RNF207: variants seen among roughly 807,000 people sequenced by gnomAD.
RNF207 encodes ring finger protein 207, also known as OTTHUMG00000001089.
RNF207 carries 72 observed loss-of-function variants against 79.0 expected under a neutral mutation model. The ratio of observed to expected loss-of-function variants is 0.91; its 90% CI spans 0.75 to 1.11. The LOEUF is 1.11. RNF207 is among the 50% of genes least tolerant of loss of function. The probability of loss-of-function intolerance (pLI) is 0.00; values close to 1 mark genes in which losing one functional copy is unlikely to be tolerated. For synonymous variants in RNF207, 348 were observed against 366.2 expected, an observed-to-expected ratio of 0.95 and a Z score of 0.57; for missense variants, 936 against 855.8, an observed-to-expected ratio of 1.09 and a Z score of -1.17.
chr1:6,207,856 A>C lies in RNF207; in HGVS notation c.324+345A>C. ...CGACCCTGAAGGGCCTCTGCTACCC[A>C]AGTGGCATAGAAGCAGCTACAGCCC... On this transcript the variant is annotated intron_variant, in intron 3 of 17. Coordinates refer to ENST00000377939, the MANE Select transcript of RNF207 (RefSeq NM_207396.3). The surrounding 1 kb of genome is among the most constrained non-coding windows in gnomAD (Gnocchi z 4.5). 2.1e-6 allele frequency: 1 copy of C among 467,900 alleles called. No homozygotes were observed. The highest frequency in any genetic ancestry group is 2.7e-5 in the Admixed American group (1 of 36,620). 29.0% of individuals were successfully genotyped at this position (467,900 alleles called of 1,614,324 possible).
rs571477593 is a variant in RNF207 at position 6,220,872 on chromosome 1, T to C, written c.*1465T>C. ...CCAGATAGTCACATTTAAGCAAATA[T>C]TCAGCTTGATTCAGTGATTAACAGC... is the stretch of plus-strand genomic sequence containing the variant. On this transcript the variant is annotated 3_prime_UTR_variant, in exon 18 of 18. Coordinates refer to ENST00000377939, the MANE Select transcript of RNF207 (RefSeq NM_207396.3). 1.3e-5 allele frequency: 2 copies of C among 152,300 alleles called. No homozygotes were observed. The highest frequency in any genetic ancestry group is 6.5e-5 in the Admixed American group (1 of 15,294). The allele number at this position is 152,300 out of a possible 1,614,324, so 9.4% of individuals were successfully genotyped here. A position where few individuals can be genotyped will look rare whatever the true frequency, so the allele number is the denominator to read the frequency against.
At position 6,213,060 on chromosome 1, in the gene RNF207, C is replaced by G; in HGVS notation, c.1535-6C>G. 1 of 1,602,536 alleles carries G rather than the reference C, an allele frequency of 6.2e-7. No individual in the cohort carries two copies. The highest frequency in any genetic ancestry group is 8.5e-7 in the Non-Finnish European group (1 of 1,170,780). ...AAGACCCCATGCTCTGGCCTTGGCCCCACAGCCCAGCTCCATGACCTTCTC... is the reference window on the plus strand; with the variant it reads ...AAGACCCCATGCTCTGGCCTTGGCCGCACAGCCCAGCTCCATGACCTTCTC... On this transcript the variant is annotated splice_polypyrimidine_tract_variant and splice_region_variant and intron_variant, in intron 15 of 17. Transcript: ENST00000377939.
Position 6,206,672 on chromosome 1 carries a change from C to T in RNF207, c.137C>T (p.Ala46Val), listed in dbSNP as rs1212873448. The change falls in exon 2 of 18, where the codon GCC (alanine) becomes GTC (valine). Residue 46 changes from alanine (A) to valine (V), a missense_variant. Ala to Val is a moderately conservative substitution (Grantham distance 64). Transcript: ENST00000377939. Reference protein sequence around the residue: ...CLLDCFHDFCAGCLRGRATDG... With the variant: ...CLLDCFHDFCVGCLRGRATDG... ...CTGGACTGTTTCCACGACTTCTGTG[C>T]CGGCTGCCTGCGTGGCCGCGCGACC... is the stretch of plus-strand genomic sequence containing the variant. 6.2e-7 allele frequency: 1 copy of T among 1,606,306 alleles called. No homozygotes were observed. Among genetic ancestry groups the T allele is most frequent in the Non-Finnish European group, 8.5e-7 (1 of 1,179,828 alleles).
At position 6,206,541 on chromosome 1, in the gene RNF207, G is replaced by A. The variant is rs540245643; in HGVS notation, c.6G>A (p.Ser2=). Residue 2 remains serine, a synonymous_variant, in exon 2 of 18, where the codon TCG becomes TCA. Transcript: ENST00000377939. M[S]GAIFGPLEGP... ...CGCTTGCGCTGTCGCTGCAGATGTC[G>A]GGAGCTATCTTCGGGCCCCTGGAGG... The A allele has an allele frequency of 1.9e-6, 3 of 1,575,254 alleles. No individual in the cohort carries two copies. The highest frequency in any genetic ancestry group is 1.1e-5 in the South Asian group (1 of 88,752).
In RNF207 at chr1:6,217,916, C is replaced by A. The variant is rs1043843404; in HGVS notation, c.1653-373C>A. The stretch of plus-strand genomic sequence containing the variant: ...AAGCTAGACTGGTCCCACTTCTGGG[C>A]CTCTGCCTGGAGTATTCACAGACCC... On this transcript the variant is annotated intron_variant, in intron 16 of 17. Coordinates refer to ENST00000377939, the MANE Select transcript of RNF207 (RefSeq NM_207396.3). The surrounding 1 kb of genome is among the most constrained non-coding windows in gnomAD (Gnocchi z 4.2). Among the ~76,000 whole-genome samples, 10 of 152,244 alleles carry A rather than the reference C, an allele frequency of 6.6e-5. No homozygotes were observed. Among genetic ancestry groups the A allele is most frequent in the Admixed American group, 6.5e-4 (10 of 15,286 alleles).
At chr1:6,212,634 G>A (rs201925417) in intron 14 of RNF207, 48 bp from the exon 15 acceptor site, 57 of 1,545,756 alleles carry the variant, frequency 3.7e-5, no homozygotes, top group East Asian at 6.7e-5. Flanking sequence ...TGCCGCCACC[G>A]TAAATTCAGC....
chr1:6,216,042 G>A, intron 16 of RNF207, among the ~76,000 whole-genome samples: 1 of 152,210 alleles, frequency 6.6e-6, no homozygotes, highest in Non-Finnish European at 1.5e-5. Context: ...TCCCTTTCCA[G>A]TCCTTCCTGG....
rs190407737 is a variant in RNF207, at chr1:6,209,578, G to A, written c.753+39G>A. 19 of 1,431,400 alleles carry A rather than the reference G, an allele frequency of 1.3e-5. No homozygotes were observed. In the African/African-American group the frequency reaches 2.7e-4, roughly 20 times the overall value. The allele number at this position is 1,431,400 out of a possible 1,614,324, so 88.7% of individuals were successfully genotyped here. On this transcript the variant is annotated intron_variant, in intron 7 of 17. Transcript: ENST00000377939. ...GTTGGGGGATAAACGACCCAGCCGG[G>A]ACCTGGTGACACAGGGCTGGTCCCT...
chr1:6,208,783 C>T (rs1486437920), intron 3 of RNF207, 98 bp from the exon 4 acceptor site: 1 of 1,304,134 alleles, frequency 7.7e-7, no homozygotes, highest in Non-Finnish European at 1.0e-6. Context: ...CACCCGGCCA[C>T]GGCTGGGACA....
At position 6,206,551 on chromosome 1, in the gene RNF207, T is replaced by G; in HGVS notation, c.16T>G (p.Phe6Val). ...GTCGCTGCAGATGTCGGGAGCTATC[T>G]TCGGGCCCCTGGAGGGCCCGAGCTC... MSGAI[F>V]GPLEGPSSLD... The change falls in exon 2 of 18, where the codon TTC becomes GTC. Residue 6 changes from phenylalanine (F) to valine (V), a missense_variant. Coordinates refer to ENST00000377939, the MANE Select transcript of RNF207 (RefSeq NM_207396.3). 6.3e-7 allele frequency: 1 copy of G among 1,585,910 alleles called. No individual in the cohort carries two copies. The highest frequency in any genetic ancestry group is 8.5e-7 in the Non-Finnish European group (1 of 1,173,560).
Position 6,209,412 on chromosome 1 carries a change from A to G in RNF207, c.628-2A>G. On this transcript the variant is annotated splice_acceptor_variant, in intron 6 of 17. Transcript: ENST00000377939. LOFTEE classifies it high-confidence loss of function. Reference sequence around the variant, plus strand: ...GCGAGCCTGACCACGCCCTGTCCCCAGGCCGTGAAGGCCCTGCAGACGGCC... The same window carrying G: ...GCGAGCCTGACCACGCCCTGTCCCCGGGCCGTGAAGGCCCTGCAGACGGCC... The G allele has an allele frequency of 6.6e-7, 1 of 1,521,228 alleles. No individual in the cohort carries two copies. The highest frequency in any genetic ancestry group is 8.8e-7 in the Non-Finnish European group (1 of 1,139,796). The allele number at this position is 1,521,228 out of a possible 1,614,324, so 94.2% of individuals were successfully genotyped here. A position where few individuals can be genotyped will look rare whatever the true frequency, so the allele number is the denominator to read the frequency against.
chr1:6,213,479 A>AG (rs1183499402), intron 16 of RNF207, among the ~76,000 whole-genome samples: 1 of 151,902 alleles, frequency 6.6e-6, no homozygotes, highest in Non-Finnish European at 1.5e-5. Flanking sequence ...AAAAAAAAAA[A>AG]AAAAAAAAAA....
At chr1:6,214,875 T>C (rs1234374210) in intron 16 of RNF207, among the ~76,000 whole-genome samples, 1 of 151,860 alleles carries the variant, frequency 6.6e-6, no homozygotes, top group Admixed American at 6.6e-5. Flanking sequence ...GACCTCGTCA[T>C]CTACCCGCCT....
intron 16 of RNF207, among the ~76,000 whole-genome samples, chr1:6,215,736 C>T (rs1456006900): frequency 6.6e-6 from 1 of 152,206 alleles, no homozygotes; most frequent in Non-Finnish European, 1.5e-5. Context: ...TCTCAGCTCT[C>T]ACTGCAGCCT....
rs1187605510 is a variant in RNF207 at position 6,209,527 on chromosome 1, C to T, written c.741C>T (p.Phe247=). The T allele has an allele frequency of 3.4e-6, 5 of 1,465,034 alleles. No homozygotes were observed. The highest frequency in any genetic ancestry group is 2.7e-5 in the Admixed American group (1 of 36,638). The allele number at this position is 1,465,034 out of a possible 1,614,324, so 90.8% of individuals were successfully genotyped here. The part of the protein sequence containing the change: ...AEEEDAIHAL[F]GSMQDRLAER... The stretch of plus-strand genomic sequence containing the variant: ...AGGAGGACGCTATCCACGCCCTCTT[C>T]GGCAGCATGCAGGTGAGGGGTGGGG... The change falls in exon 7 of 18, where the codon TTC becomes TTT. Residue 247 remains phenylalanine (F), a synonymous_variant. Transcript: ENST00000377939.
At position 6,207,353 on chromosome 1, in the gene RNF207, A is replaced by C; in HGVS notation, c.192-26A>C. ...GGAGCCCTGGGGAAGGGGTATCAGA[A>C]TCTCGGGGCCTGGGCTTCTCTGCAG... On this transcript the variant is annotated intron_variant, in intron 2 of 17. Transcript: ENST00000377939. This position sits in a 1 kb window ranked among gnomAD's most constrained non-coding sequence, Gnocchi z 4.5. 1 of 1,500,564 alleles carries C rather than the reference A, an allele frequency of 6.7e-7. No individual in the cohort carries two copies. The highest frequency in any genetic ancestry group is 8.9e-7 in the Non-Finnish European group (1 of 1,125,118). The allele number at this position is 1,500,564 out of a possible 1,614,324, so 93.0% of individuals were successfully genotyped here.
rs1054510811 is a variant in RNF207 at position 6,219,428 on chromosome 1, G to C, written c.*21G>C. On this transcript the variant is annotated 3_prime_UTR_variant, in exon 18 of 18. Coordinates refer to ENST00000377939, the MANE Select transcript of RNF207 (RefSeq NM_207396.3). ...CTTAGCAAATGGGACCGGTCCCCAGGGTCAGGCTCTTAGAGCAGGCACAAG... is the reference window on the plus strand; with the variant it reads ...CTTAGCAAATGGGACCGGTCCCCAGCGTCAGGCTCTTAGAGCAGGCACAAG... 6.4e-7 allele frequency: 1 copy of C among 1,571,478 alleles called. No homozygotes were observed. The highest frequency in any genetic ancestry group is 1.8e-5 in the Admixed American group (1 of 55,536).
intron 3 of RNF207, chr1:6,208,575 G>A (rs1471508592): frequency 8.5e-6 from 3 of 354,622 alleles, no homozygotes; most frequent in Non-Finnish European, 1.5e-5. Context: ...CCAAATTGTT[G>A]GGATTACAGG....
chr1:6,213,262 T>A (rs1406350049), intron 16 of RNF207, 79 bp downstream of exon 16: 1 of 911,322 alleles, frequency 1.1e-6, no homozygotes, highest in Non-Finnish European at 1.7e-6. Context: ...GGCTCACGCC[T>A]GTAATCCTAA....
Sources: gnomAD v4.1 joint callset for allele counts (sites outside exome capture counted in the v4.1 genomes callset) on GRCh38, gnomAD v4.1.1 for gene constraint, Gnocchi (gnomAD v3.1) non-coding constraint, MANE v1.5 for transcripts, NCBI Gene and HGNC (gene_info 2026-07-23, HGNC 2026-07-21) for gene names.